SPTBN5: variants seen among roughly 807,000 people sequenced by gnomAD.
SPTBN5 encodes spectrin beta, non-erythrocytic 5.
Under a neutral mutation model 477.6 loss-of-function variants are expected in SPTBN5, and 513 were observed. That is an observed-to-expected ratio of 1.07 (90% confidence interval 1.00 to 1.16). The LOEUF (loss-of-function observed/expected upper bound fraction) is 1.16. SPTBN5 is among the 50% of genes most tolerant of loss of function. The pLI, the probability that SPTBN5 is intolerant of heterozygous loss-of-function variation, is 0.00. For synonymous variants in SPTBN5, 2,169 were observed against 2,011.7 expected (o/e 1.08, Z -2.09); for missense variants, 5,062 against 4,731.8 (o/e 1.07, Z -2.05).
In SPTBN5 at chr15:41,858,624, T is replaced by G. The variant is rs575615278; in HGVS notation, c.8204A>C (p.His2735Pro). Residue 2735 changes from histidine to proline, a missense_variant, in exon 49 of 68, where the codon CAC (histidine) becomes CCC (proline). Coordinates refer to ENST00000320955, the MANE Select transcript of SPTBN5 (RefSeq NM_016642.4). Reference protein sequence around the residue: ...NFQAELDASMHQQQELQREGQ... With the variant: ...NFQAELDASMPQQQELQREGQ... ...CACCCGCTGCAGCTCCTGCTGTTGG[T>G]GCATGCTCGCGTCCAGCTCCGCCTG... 1.9e-6 allele frequency: 3 copies of G among 1,611,540 alleles called. No individual in the cohort carries two copies. Among genetic ancestry groups the G allele is most frequent in the East Asian group, 2.2e-5 (1 of 44,844 alleles).
In SPTBN5 at chr15:41,873,577, C is replaced by A; in HGVS notation, c.4922G>T (p.Trp1641Leu). 1 of 1,552,216 alleles carries A rather than the reference C, an allele frequency of 6.4e-7. No homozygotes were observed. Among genetic ancestry groups the A allele is most frequent in the Non-Finnish European group, 8.7e-7 (1 of 1,147,318 alleles). Residue 1641 changes from tryptophan to leucine, a missense_variant, in exon 26 of 68, where the codon TGG (tryptophan) becomes TTG (leucine). Coordinates refer to ENST00000320955, the MANE Select transcript of SPTBN5 (RefSeq NM_016642.4). ...YFLDVSELEG[W>L]VEEKRPLVSS... ...CACCAGCGGCCGCTTCTCCTCCACC[C>A]AGCCCTCCAGCTCTGACACATCCAG...
Position 41,862,222 on chromosome 15 carries a change from C to A in SPTBN5, c.7456G>T (p.Ala2486Ser), listed in dbSNP as rs767418791. 1.2e-6 allele frequency: 2 copies of A among 1,611,636 alleles called. No homozygotes were observed. The highest frequency in any genetic ancestry group is 1.1e-5 in the South Asian group (1 of 90,996). Residue 2486 changes from alanine to serine, a missense_variant, in exon 44 of 68, where the codon GCC (alanine) becomes TCC (serine). Coordinates refer to ENST00000320955, the MANE Select transcript of SPTBN5 (RefSeq NM_016642.4). ...TCCATCTGAGCCCGCAGCCTCTGGG[C>A]GCTGACCAGCAATTCCTGCAGCATT... ...QAMLQELLVSAQRLRAQMDTS... is the reference protein window; with the variant it reads ...QAMLQELLVSSQRLRAQMDTS...
rs771420217 is a variant in SPTBN5, at chr15:41,870,297, C to A, written c.5619G>T (p.Ala1873=). 1 of 1,557,848 alleles carries A rather than the reference C, an allele frequency of 6.4e-7. No homozygotes were observed. Among genetic ancestry groups the A allele is most frequent in the East Asian group, 2.4e-5 (1 of 41,576 alleles). The change falls in exon 31 of 68, where the codon GCG becomes GCT. Residue 1873 remains alanine (A), a synonymous_variant. Coordinates refer to ENST00000320955, the MANE Select transcript of SPTBN5 (RefSeq NM_016642.4). ...CCAGCCCCTGGTGGCTTCTCAGCTG[C>A]GCCTCCAGCCCACACAGGTCCCGTG... ...NVARDLCGLE[A]QLRSHQGLER...
intron 28 of SPTBN5, 31 bp downstream of exon 28, chr15:41,871,751 G>A: frequency 2.6e-6 from 4 of 1,513,468 alleles, no homozygotes; most frequent in Non-Finnish European, 3.6e-6. Context: ...CTGCCTCAGG[G>A]CACCCTCCTT....
rs377624749 is a variant in SPTBN5, at chr15:41,855,389, G to A, written c.9258C>T (p.Ala3086=). ...VLAQLQAVRE[A]HAELLRRAEA... is the part of the protein sequence containing the mutation. Reference sequence around the variant, plus strand: ...CCGCCCTCCGCAGCAGCTCTGCGTGGGCCTCCCGAACTGCCTGCAGCTGGG... The same window carrying A: ...CCGCCCTCCGCAGCAGCTCTGCGTGAGCCTCCCGAACTGCCTGCAGCTGGG... Residue 3086 remains alanine, a synonymous_variant, in exon 55 of 68, where the codon GCC becomes GCT. Coordinates refer to ENST00000320955, the MANE Select transcript of SPTBN5 (RefSeq NM_016642.4). 284 of 1,604,506 alleles carry A rather than the reference G, an allele frequency of 1.8e-4. 1 individual carries two copies. The highest frequency in any genetic ancestry group is 2.2e-4 in the Non-Finnish European group (257 of 1,179,322).
Position 41,882,646 on chromosome 15 carries a change from A to G in SPTBN5, c.1985T>C (p.Val662Ala), listed in dbSNP as rs1271636960. The change falls in exon 10 of 68, where the codon GTG becomes GCG. Residue 662 changes from valine (V) to alanine (A), a missense_variant. Coordinates refer to ENST00000320955, the MANE Select transcript of SPTBN5 (RefSeq NM_016642.4). ...EAWLKECGQR[V>A]GNAALGRDLS... is the part of the protein sequence containing the mutation. ...ATCCCGGCCCAGGGCCGCATTCCCC[A>G]CCCGCTGTCCGCACTCCTTCAGCCA... The G allele has an allele frequency of 3.7e-6, 6 of 1,607,320 alleles. No homozygotes were observed. Among genetic ancestry groups the G allele is most frequent in the Middle Eastern group, 1.7e-4 (1 of 6,024 alleles).
intron 17 of SPTBN5, 111 bp from the exon 18 acceptor site, chr15:41,877,467 T>C (rs996602837): frequency 1.2e-5 from 17 of 1,420,630 alleles, no homozygotes; most frequent in Non-Finnish European, 1.6e-5. Context: ...AGACACTGAA[T>C]GTGATAGGCC....
rs373899983 is a variant in SPTBN5, at chr15:41,889,521, T to C, written c.501+568A>G. On this transcript the variant is annotated intron_variant, in intron 4 of 67. Coordinates refer to ENST00000320955, the MANE Select transcript of SPTBN5 (RefSeq NM_016642.4). ...CACCCTCAGCATCCTGGGCTCAGGTTAGCTTCCCACCTGAGCCCTCCCGAG... is the reference window on the plus strand; with the variant it reads ...CACCCTCAGCATCCTGGGCTCAGGTCAGCTTCCCACCTGAGCCCTCCCGAG... Among the ~76,000 whole-genome samples, 4 of 152,142 alleles carry C rather than the reference T, an allele frequency of 2.6e-5. No individual in the cohort carries two copies. In the South Asian group the frequency reaches 8.3e-4, roughly 32 times the overall value.
Position 41,854,131 on chromosome 15 carries a change from C to T in SPTBN5, c.9693G>A (p.Lys3231=), listed in dbSNP as rs1489570979. ...CGTCCTCCCCCTTCATCAGGGCCGTCTTCTCCTGCATCCTTCCCTGGAGCT... is the reference window on the plus strand; with the variant it reads ...CGTCCTCCCCCTTCATCAGGGCCGTTTTCTCCTGCATCCTTCCCTGGAGCT... ...AAELQGRMQE[K]TALMKGEDGG... The change falls in exon 57 of 68, where the codon AAG becomes AAA. Residue 3231 remains lysine, a synonymous_variant. Transcript: ENST00000320955. 1 of 1,592,980 alleles carries T rather than the reference C, an allele frequency of 6.3e-7. No homozygotes were observed.
chr15:41,870,099 C>G, intron 31 of SPTBN5, 79 bp from the exon 32 acceptor site: 1 of 1,450,232 alleles, frequency 6.9e-7, no homozygotes. Flanking sequence ...TGCCTGGGAA[C>G]TCTGGCCCCC....
rs913782310 is a variant in SPTBN5, at chr15:41,883,094, C to T, written c.1794G>A (p.Glu598=). The T allele has an allele frequency of 1.2e-6, 2 of 1,606,220 alleles. No homozygotes were observed. The highest frequency in any genetic ancestry group is 2.7e-5 in the African/African-American group (2 of 74,798). ...HVSHLAQQTA[E]LDSSLGTSVE... is the part of the protein sequence containing the mutation. ...CACTGGTGCCCAGGGAGGAGTCCAG[C>T]TCTGCTGTCTGCTGAGCAAGATGGC... Residue 598 remains glutamate (E), a synonymous_variant, in exon 9 of 68, where the codon GAG becomes GAA. Coordinates refer to ENST00000320955, the MANE Select transcript of SPTBN5 (RefSeq NM_016642.4).
rs55649878 is a variant in SPTBN5 at position 41,858,603 on chromosome 15, C to T, written c.8225G>A (p.Arg2742Gln). 0.011 allele frequency: 17,975 copies of T among 1,609,758 alleles called. 170 individuals carry two copies. The highest frequency in any genetic ancestry group is 0.013 in the Non-Finnish European group (15,003 of 1,178,988). Residue 2742 changes from arginine to glutamine, a missense_variant and splice_region_variant, in exon 49 of 68, where the codon CGG becomes CAG. Coordinates refer to ENST00000320955, the MANE Select transcript of SPTBN5 (RefSeq NM_016642.4). Reference sequence around the variant, plus strand: ...ACCCTCCTGCCTGCAGGGCCTCACCCGCTGCAGCTCCTGCTGTTGGTGCAT... The same window carrying T: ...ACCCTCCTGCCTGCAGGGCCTCACCTGCTGCAGCTCCTGCTGTTGGTGCAT... The part of the protein sequence containing the change: ...ASMHQQQELQ[R>Q]EGQRLLQGGH...
intron 37 of SPTBN5, 56 bp downstream of exon 37, chr15:41,866,286 GAC>G (rs2066307744): frequency 1.9e-6 from 3 of 1,573,216 alleles, no homozygotes; most frequent in Non-Finnish European, 2.6e-6. Context: ...TCCTAAGACT[GAC>G]ATTGCCCCTG....
chr15:41,858,839 G>A, intron 48 of SPTBN5, 51 bp downstream of exon 48: 1 of 1,545,796 alleles, frequency 6.5e-7, no homozygotes, highest in Non-Finnish European at 8.8e-7. Context: ...GCCTTTCCCT[G>A]GGTCGACTCC....
chr15:41,856,629 G>A (rs1308891264), intron 52 of SPTBN5, 31 bp from the exon 53 acceptor site: 3 of 1,535,776 alleles, frequency 2.0e-6, no homozygotes, highest in East Asian at 2.4e-5. Context: ...GGATGCGGAT[G>A]TTGCTGACCC....
rs1567199941 is a variant in SPTBN5, at chr15:41,865,919, G to T, written c.6823-16C>A. The stretch of plus-strand genomic sequence containing the variant: ...TCTTCACCTCCTGTGAAGGCCGAGG[G>T]TGGGGAGGGAGCGCTGTGAGCACCA... On this transcript the variant is annotated splice_polypyrimidine_tract_variant and intron_variant, in intron 38 of 67. Transcript: ENST00000320955. 2 of 1,560,780 alleles carry T rather than the reference G, an allele frequency of 1.3e-6. No homozygotes were observed. The highest frequency in any genetic ancestry group is 1.2e-5 in the South Asian group (1 of 84,632).
chr15:41,884,232 C>T (rs1372070126), intron 7 of SPTBN5, among the ~76,000 whole-genome samples: 1 of 151,894 alleles, frequency 6.6e-6, no homozygotes, highest in African/African-American at 2.4e-5. Flanking sequence ...GTGATCTGCC[C>T]GCCTCAGCCT....
At chr15:41,874,201 T>A in intron 24 of SPTBN5, 91 bp downstream of exon 24, 2 of 1,521,424 alleles carry the variant, frequency 1.3e-6, no homozygotes, top group South Asian at 1.2e-5. Context: ...GGGTGAGGGC[T>A]TAGAGGCCAG....
In SPTBN5 at chr15:41,871,916, C is replaced by A. The variant is rs372660103; in HGVS notation, c.5167G>T (p.Asp1723Tyr). Reference protein sequence around the residue: ...RALQELAATRDRELEGTLRLH... With the variant: ...RALQELAATRYRELEGTLRLH... The stretch of plus-strand genomic sequence containing the variant: ...CTCAGGGTCCCCTCCAGTTCCCGGT[C>A]CCTGTGGTAACAGTCCGTGGTTCCC... Residue 1723 changes from aspartate to tyrosine, a missense_variant and splice_region_variant, in exon 28 of 68, where the codon GAC becomes TAC. Asp to Tyr is a radical substitution (Grantham distance 160). Coordinates refer to ENST00000320955, the MANE Select transcript of SPTBN5 (RefSeq NM_016642.4). 1.5e-5 allele frequency: 23 copies of A among 1,572,988 alleles called. No homozygotes were observed. Among genetic ancestry groups the A allele is most frequent in the Non-Finnish European group, 1.9e-5 (22 of 1,157,422 alleles).
Sources: gnomAD v4.1 joint callset for allele counts (sites outside exome capture counted in the v4.1 genomes callset) on GRCh38, gnomAD v4.1.1 for gene constraint, MANE v1.5 for transcripts, NCBI Gene and HGNC (gene_info 2026-07-23, HGNC 2026-07-21) for gene names.